Variants in CFAP70 observed in about 807,000 individuals in gnomAD.
CFAP70 encodes cilia- and flagella-associated protein 70.
CFAP70 carries 81 observed loss-of-function variants against 137.6 expected under a neutral mutation model. That is an observed-to-expected ratio of 0.59 (90% CI 0.49 to 0.71). The LOEUF is 0.71. CFAP70 is among the 30% of genes least tolerant of loss of function. The pLI is 0.00. For synonymous variants in CFAP70, 382 were observed against 423.6 expected (o/e 0.90, Z 1.20); for missense variants, 976 against 1,226.7 (o/e 0.80, Z 3.05).
chr10:73,323,217 A>G lies in CFAP70; in HGVS notation c.778-120T>C. 6.4e-6 allele frequency: 6 copies of G among 934,756 alleles called. No individual in the cohort carries two copies. The South Asian group carries it at 1.9e-4, about 29-fold the overall frequency. 57.9% of individuals were successfully genotyped at this position (934,756 alleles called of 1,614,324 possible). On this transcript the variant is annotated intron_variant, in intron 8 of 26. Transcript: ENST00000310715. Reference sequence around the variant, plus strand: ...AACTAACTCAACTACTTAGCCAGTTATGTGACTTTGGGCCAGTTACATAAG... The same window carrying G: ...AACTAACTCAACTACTTAGCCAGTTGTGTGACTTTGGGCCAGTTACATAAG...
chr10:73,316,503 T>TATATATATATAG (rs2050393613), intron 9 of CFAP70, among the ~76,000 whole-genome samples: 1 of 139,796 alleles, frequency 7.2e-6, no homozygotes, highest in African/African-American at 2.7e-5. Flanking sequence ...TATATATATA[T>TATATATATATAG]ATATATATAT....
At chr10:73,318,378 TATC>T (rs1488223843) in intron 9 of CFAP70, among the ~76,000 whole-genome samples, 1 of 152,112 alleles carries the variant, frequency 6.6e-6, no homozygotes, top group Non-Finnish European at 1.5e-5. Flanking sequence ...GAAAAAATGT[TATC>T]ATATTTATAT....
At chr10:73,288,420 C>A (rs964362447) in intron 19 of CFAP70, among the ~76,000 whole-genome samples, 235 of 152,154 alleles carry the variant, frequency 1.5e-3, no homozygotes, top group African/African-American at 5.3e-3. Context: ...ATGTGTCTTA[C>A]CTGTCTAATA....
At chr10:73,278,141 T>C in intron 20 of CFAP70, 38 bp downstream of exon 21, 10 of 1,599,084 alleles carry the variant, frequency 6.3e-6, no homozygotes, top group Non-Finnish European at 8.6e-6. Context: ...GTCTAGCTTA[T>C]GCCCCTCTTC....
exon 21 of CFAP70, chr10:73,277,357 T>A: frequency 6.2e-7 from 1 of 1,612,914 alleles, no homozygotes; most frequent in South Asian, 1.1e-5. Flanking sequence ...GACATTTTGA[T>A]GCTTCTGAAA....
intron 12 of CFAP70, among the ~76,000 whole-genome samples, chr10:73,301,321 TAGTG>T (rs1388610638): frequency 3.3e-5 from 5 of 152,204 alleles, no homozygotes; most frequent in East Asian, 1.9e-4. Flanking sequence ...GTCTTCATGA[TAGTG>T]AGTAAGTGCT....
chr10:73,338,480 G>C (rs1332325055), intron 6 of CFAP70, among the ~76,000 whole-genome samples: 2 of 148,572 alleles, frequency 1.3e-5, no homozygotes, highest in Non-Finnish European at 3.0e-5. Flanking sequence ...GCCCAGGCTG[G>C]AGTGCAGTGG....
intron 19 of CFAP70, among the ~76,000 whole-genome samples, chr10:73,285,090 G>A (rs1015598820): frequency 6.6e-6 from 1 of 151,880 alleles, no homozygotes; most frequent in Non-Finnish European, 1.5e-5. Context: ...ATAAGAAACT[G>A]AGACAAATTA....
At chr10:73,308,522 G>A (rs553264324) in intron 12 of CFAP70, among the ~76,000 whole-genome samples, 22 of 151,918 alleles carry the variant, frequency 1.4e-4, no homozygotes, top group African/African-American at 5.3e-4. Context: ...TAGCTACTCA[G>A]GAGGCTGAGG....
chr10:73,291,151 A>C lies in CFAP70; in HGVS notation c.2239+75T>G, dbSNP rs188669060. On this transcript the variant is annotated intron_variant, in intron 19 of 26. Transcript: ENST00000310715. ...CATCTCAGCCTCCCAGGTTGCTAGG[A>C]CTACAGGTGTGAGCCACCACACCTG... The C allele has an allele frequency of 1.6e-5, 22 of 1,340,450 alleles. No individual in the cohort carries two copies. In the Middle Eastern group the frequency reaches 7.3e-4, roughly 44 times the overall value. The allele number at this position is 1,340,450 out of a possible 1,614,324, so 83.0% of individuals were successfully genotyped here.
At chr10:73,277,016 G>T in intron 21 of CFAP70, 1 of 381,742 alleles carries the variant, frequency 2.6e-6, no homozygotes, top group South Asian at 5.2e-5. Context: ...ATTTAGCTCT[G>T]TTGGTATTCT....
chr10:73,265,594 T>C (rs1448336543), intron 25 of CFAP70, among the ~76,000 whole-genome samples: 1 of 152,204 alleles, frequency 6.6e-6, no homozygotes. Flanking sequence ...TATTTTGCAA[T>C]TGCAATAATG....
intron 8 of CFAP70, among the ~76,000 whole-genome samples, chr10:73,327,749 G>T (rs2051618775): frequency 6.6e-6 from 1 of 152,004 alleles, no homozygotes; most frequent in Non-Finnish European, 1.5e-5. Flanking sequence ...TTGCTTCAAA[G>T]AGAATAAAAT....
chr10:73,345,906 ATT>A (rs1005076752), intron 4 of CFAP70, among the ~76,000 whole-genome samples: 1 of 147,358 alleles, frequency 6.8e-6, no homozygotes. Flanking sequence ...TTTTAATTTT[ATT>A]TTTTTTTTTG....
At chr10:73,273,046 T>G (rs761467637) in intron 23 of CFAP70, 29 bp from the exon 25 acceptor site, 1 of 1,513,522 alleles carries the variant, frequency 6.6e-7, no homozygotes, top group East Asian at 2.5e-5. Flanking sequence ...ACTAAGCTAC[T>G]GTTCTAGAAG....
At chr10:73,307,455 T>C (rs2049478520) in intron 12 of CFAP70, among the ~76,000 whole-genome samples, 1 of 152,202 alleles carries the variant, frequency 6.6e-6, no homozygotes, top group African/African-American at 2.4e-5. Flanking sequence ...AGAATCCATC[T>C]ATCTGCTGTC....
chr10:73,300,073 T>C (rs1466218282), intron 12 of CFAP70, among the ~76,000 whole-genome samples: 3 of 152,198 alleles, frequency 2.0e-5, no homozygotes, highest in Admixed American at 6.5e-5. Flanking sequence ...CTGAGTGGAA[T>C]AGGCAAGCAA....
intron 11 of CFAP70, among the ~76,000 whole-genome samples, chr10:73,311,144 T>G (rs968374521): frequency 2.0e-5 from 3 of 152,338 alleles, no homozygotes; most frequent in African/African-American, 7.2e-5. Flanking sequence ...GTCTTTCCAT[T>G]ACCTGATTCA....
At chr10:73,295,754 C>T (rs371973805) in intron 15 of CFAP70, 2 of 152,168 alleles carry the variant, frequency 1.3e-5, no homozygotes, top group Admixed American at 6.5e-5. Flanking sequence ...TTCATTCATT[C>T]CTTAAATGTT....
Sources: allele counts gnomAD v4.1 joint callset (sites outside exome capture counted in the v4.1 genomes callset), GRCh38; gene constraint gnomAD v4.1.1; transcripts MANE v1.5; gene names NCBI Gene and HGNC (gene_info 2026-07-23, HGNC 2026-07-21).